The following SPATA1 variants were observed in gnomAD, a reference collection of about 807,000 sequenced individuals.
The protein encoded by SPATA1 is spermatogenesis-associated protein 1.
A neutral mutation model predicts 59.6 loss-of-function variants in SPATA1; 57 were observed. That is an observed-to-expected ratio of 0.96 (90% confidence interval 0.77 to 1.19). The LOEUF (loss-of-function observed/expected upper bound fraction) is 1.19. SPATA1 is among the 50% of genes most tolerant of loss of function. The probability of loss-of-function intolerance (pLI) is 0.00; values close to 1 mark genes in which losing one functional copy is unlikely to be tolerated. For missense variants in SPATA1, 448 were observed against 480.7 expected (o/e 0.93, Z 0.64); for synonymous variants, 147 against 163.9 (o/e 0.90, Z 0.79).
intron 4 of SPATA1, among the ~76,000 whole-genome samples, chr1:84,564,735 A>G (rs536140954): frequency 6.6e-6 from 1 of 152,254 alleles, no homozygotes; most frequent in Admixed American, 6.5e-5. Context: ...TAACAGAATA[A>G]GTTATTTTTC....
chr1:84,537,987 T>C (rs149491587), intron 8 of SPATA1, among the ~76,000 whole-genome samples: 105 of 152,252 alleles, frequency 6.9e-4, no homozygotes, highest in African/African-American at 2.5e-3. Flanking sequence ...GAGGGCCAAG[T>C]GAAATATGAT....
At chr1:84,524,521 ATAAGGG>A (rs1472209025) in intron 4 of SPATA1, among the ~76,000 whole-genome samples, 1 of 152,186 alleles carries the variant, frequency 6.6e-6, no homozygotes, top group Non-Finnish European at 1.5e-5. Context: ...GCAAGAGATA[ATAAGGG>A]CCTAAGGAAC....
intron 2 of SPATA1, 41 bp downstream of exon 2, chr1:84,516,436 C>T: frequency 3.3e-6 from 4 of 1,206,572 alleles, no homozygotes; most frequent in South Asian, 3.1e-5. Flanking sequence ...GAAAGACCTG[C>T]TTATCACTGT....
At position 84,516,179 on chromosome 1, in the gene SPATA1, T is replaced by A. The variant is rs957516511; in HGVS notation, c.-137-44T>A. The A allele has an allele frequency of 1.3e-5, 7 of 521,590 alleles. 1 individual carries two copies. The highest frequency in any genetic ancestry group is 2.0e-5 in the Non-Finnish European group (6 of 300,228). 32.3% of individuals were successfully genotyped at this position (521,590 alleles called of 1,614,324 possible). ...TGTCTAAGTTTTCATTTGTAGTTTATTTAATGCTTTTGTGTTTTCCTTTTT... is the reference window on the plus strand; with the variant it reads ...TGTCTAAGTTTTCATTTGTAGTTTAATTAATGCTTTTGTGTTTTCCTTTTT... On this transcript the variant is annotated intron_variant, in intron 1 of 12. Coordinates refer to ENST00000490879, the Ensembl canonical transcript of SPATA1.
rs1237033838 is a variant in SPATA1, at chr1:84,548,976, T to C, written c.1125+12T>C. ...TCACAGACTCCAAGGTATTACTAAATGTATCCCCCTTCCGTTAGAGAAGTT... is the reference window on the plus strand; with the variant it reads ...TCACAGACTCCAAGGTATTACTAAACGTATCCCCCTTCCGTTAGAGAAGTT... On this transcript the variant is annotated intron_variant, in intron 11 of 12. Coordinates refer to ENST00000490879, the Ensembl canonical transcript of SPATA1. 1.3e-6 allele frequency: 2 copies of C among 1,544,380 alleles called. No individual in the cohort carries two copies. Among genetic ancestry groups the C allele is most frequent in the Non-Finnish European group, 1.7e-6 (2 of 1,148,500 alleles).
intron 4 of SPATA1, chr1:84,563,792 T>A (rs1198983795): frequency 6.2e-7 from 1 of 1,609,100 alleles, no homozygotes; most frequent in Non-Finnish European, 8.5e-7. Context: ...CCATTACAAG[T>A]TTCTTAGGAT....
chr1:84,513,810 T>C (rs1682677593), intron 1 of SPATA1, among the ~76,000 whole-genome samples: 1 of 151,966 alleles, frequency 6.6e-6, no homozygotes, highest in African/African-American at 2.4e-5. Flanking sequence ...ATGGCTATGA[T>C]ACTAACTGAT....
intron 1 of SPATA1, 31 bp downstream of exon 1, chr1:84,506,449 G>C (rs2101896234): frequency 6.0e-6 from 1 of 166,316 alleles, no homozygotes; most frequent in Middle Eastern, 2.9e-3. Flanking sequence ...TAGCCGCGAA[G>C]AACTAAGAGG....
intron 8 of SPATA1, 87 bp downstream of exon 8, chr1:84,533,853 G>C (rs1266516394): frequency 7.6e-6 from 6 of 786,262 alleles, no homozygotes; most frequent in Non-Finnish European, 8.1e-6. Context: ...AGATTAAAAT[G>C]TCTAAGTTTT....
chr1:84,548,750 C>CTCT, intron 10 of SPATA1, 36 bp from the exon 11 acceptor site: 1 of 908,896 alleles, frequency 1.1e-6, no homozygotes, highest in Non-Finnish European at 1.4e-6. Flanking sequence ...AAGGCCTTTC[C>CTCT]TTTTTTTTTT....
chr1:84,548,755 T>C lies in SPATA1; in HGVS notation c.947-31T>C, dbSNP rs1323860142. The C allele has an allele frequency of 8.7e-4, 455 of 521,656 alleles. 3 individuals carry two copies. Among genetic ancestry groups the C allele is most frequent in the Non-Finnish European group, 1.0e-3 (436 of 421,224 alleles). 32.3% of individuals were successfully genotyped at this position (521,656 alleles called of 1,614,324 possible). On this transcript the variant is annotated intron_variant, in intron 10 of 12. Transcript: ENST00000490879. ...TACTCAAACGAAGGCCTTTCCTTTT[T>C]TTTTTTTTTTTTTTTTTTTTTTTTT...
chr1:84,562,048 A>T (rs529091054), intron 4 of SPATA1, among the ~76,000 whole-genome samples: 221 of 152,294 alleles, frequency 1.5e-3, no homozygotes, highest in Non-Finnish European at 2.4e-3. Context: ...ATATCCATGA[A>T]ACAGTTTCTA....
chr1:84,512,171 C>T (rs1016670259), intron 1 of SPATA1, among the ~76,000 whole-genome samples: 1 of 152,214 alleles, frequency 6.6e-6, no homozygotes, highest in Non-Finnish European at 1.5e-5. Flanking sequence ...TCAAAAAATA[C>T]TCCCATCATC....
chr1:84,516,823 G>T (rs1381938242), intron 2 of SPATA1, among the ~76,000 whole-genome samples: 1 of 151,978 alleles, frequency 6.6e-6, no homozygotes, highest in Non-Finnish European at 1.5e-5. Flanking sequence ...GCTGAACATG[G>T]CTAGAGAAAA....
intron 6 of SPATA1, among the ~76,000 whole-genome samples, chr1:84,530,139 C>A (rs1483903305): frequency 3.3e-5 from 5 of 152,146 alleles, no homozygotes; most frequent in African/African-American, 9.7e-5. Flanking sequence ...CTCGGCCTCC[C>A]AAAGTGCTAG....
intron 7 of SPATA1, 97 bp downstream of exon 7, chr1:84,533,071 G>T: frequency 1.3e-6 from 1 of 748,086 alleles, no homozygotes; most frequent in Non-Finnish European, 2.1e-6. Context: ...TCTACTTAAA[G>T]ATATGAGTGA....
At chr1:84,518,396 A>G (rs1682880681) in intron 2 of SPATA1, among the ~76,000 whole-genome samples, 1 of 152,128 alleles carries the variant, frequency 6.6e-6, no homozygotes, top group Non-Finnish European at 1.5e-5. Context: ...TATTTTTAGA[A>G]TATGGATGCC....
chr1:84,565,928 G>A lies in SPATA1; in HGVS notation n.510G>A, dbSNP rs1375633255. On this transcript the variant is annotated non_coding_transcript_exon_variant, in exon 5 of 5. Transcript: ENST00000460286. ...TGTTCATCATAAGACATCACAAAGA[G>A]GAAGTCACAAGCATCTGCGATTCCA... 4.4e-6 allele frequency: 7 copies of A among 1,601,972 alleles called. No individual in the cohort carries two copies. The South Asian group carries it at 7.9e-5, about 18-fold the overall frequency.
intron 11 of SPATA1, 24 bp from the exon 12 acceptor site, chr1:84,550,404 CTAAA>C (rs769050168): frequency 8.3e-7 from 1 of 1,208,780 alleles, no homozygotes; most frequent in South Asian, 1.8e-5. Flanking sequence ...ATATGTTATA[CTAAA>C]TAAATATCTA....
Sources: allele counts gnomAD v4.1 joint callset (sites outside exome capture counted in the v4.1 genomes callset), GRCh38; gene constraint gnomAD v4.1.1; transcripts MANE v1.5; gene names NCBI Gene and HGNC (gene_info 2026-07-23, HGNC 2026-07-21).